Variants in ATG16L2 observed in about 807,000 individuals in gnomAD.
ATG16L2 encodes the protein protein Atg16l2.
In ATG16L2, 77 loss-of-function variants were observed where a neutral mutation model predicts 84.7. The observed-to-expected ratio is 0.91, with a 90% CI of 0.76 to 1.10. The LOEUF is 1.10. ATG16L2 is among the 50% of genes least tolerant of loss of function. ATG16L2 has a pLI of 0.00. For missense variants in ATG16L2, 782 were observed against 817.6 expected, an observed-to-expected ratio of 0.96 and a Z score of 0.53; for synonymous variants, 361 against 342.8, an observed-to-expected ratio of 1.05 and a Z score of -0.59.
intron 5 of ATG16L2, chr11:72,840,794 A>C: frequency 9.9e-7 from 1 of 1,006,356 alleles, no homozygotes; most frequent in Non-Finnish European, 1.5e-6. Context: ...GTAACAACAC[A>C]GGGGCCACGG....
chr11:72,829,723 TC>T, downstream of ATG16L2: 1 of 874,320 alleles, frequency 1.1e-6, no homozygotes, highest in Non-Finnish European at 1.4e-6. Context: ...GCCCCCTTCC[TC>T]CTTCCATACA....
intron 5 of ATG16L2, among the ~76,000 whole-genome samples, chr11:72,834,681 C>T (rs897218282): frequency 9.2e-5 from 14 of 151,710 alleles, no homozygotes; most frequent in South Asian, 6.2e-4. Flanking sequence ...CTCCTGGGTT[C>T]AAGCAATTCT....
rs1441880998 is a variant in ATG16L2 at position 72,822,893 on chromosome 11, T to C, written c.756T>C (p.Thr252=). The change falls in exon 7 of 18, where the codon ACT becomes ACC. Residue 252 remains threonine, a synonymous_variant. Transcript: ENST00000321297. This position sits in a 1 kb window ranked among gnomAD's most constrained non-coding sequence, Gnocchi z 4.2. ...LGDGMRERRE[T]LALAPEPEPL... Reference sequence around the variant, plus strand: ...ATGGGATGAGGGAGAGAAGGGAGACTCTGGCTCTGGCCCCTGAGCCAGAGC... The same window carrying C: ...ATGGGATGAGGGAGAGAAGGGAGACCCTGGCTCTGGCCCCTGAGCCAGAGC... 7.0e-6 allele frequency: 11 copies of C among 1,578,048 alleles called. No individual in the cohort carries two copies. The highest frequency in any genetic ancestry group is 9.5e-6 in the Non-Finnish European group (11 of 1,161,472).
intron 3 of ATG16L2, among the ~76,000 whole-genome samples, chr11:72,819,827 C>T (rs558866186): frequency 6.6e-6 from 1 of 152,010 alleles, no homozygotes; most frequent in East Asian, 1.9e-4. Flanking sequence ...CTCGCTGCAA[C>T]CTCAGCCTCC....
chr11:72,842,251 G>A (rs1163035493), intron 5 of ATG16L2, among the ~76,000 whole-genome samples: 2 of 152,152 alleles, frequency 1.3e-5, no homozygotes, highest in Non-Finnish European at 2.9e-5. Flanking sequence ...TGACAGTGAG[G>A]GAGAGAGAGA....
At chr11:72,818,161 C>T in intron 3 of ATG16L2, 1 of 356,858 alleles carries the variant, frequency 2.8e-6, no homozygotes, top group Non-Finnish European at 5.2e-6. Context: ...CCTCGCCCAG[C>T]CATCCCCAAG....
At chr11:72,816,662 A>T in intron 1 of ATG16L2, 66 bp from the exon 2 acceptor site, 1 of 1,336,534 alleles carries the variant, frequency 7.5e-7, no homozygotes, top group Non-Finnish European at 1.1e-6. Flanking sequence ...GCCGGAGATA[A>T]ATTGCATGCC....
chr11:72,827,268 C>T lies in ATG16L2; in HGVS notation c.1447C>T (p.Gln483Ter). Residue 483 changes from glutamine to a stop codon, truncating the protein, a stop_gained, in exon 14 of 18, where the codon CAG (glutamine) becomes TAG (stop). Transcript: ENST00000321297. LOFTEE classifies it high-confidence loss of function. Reference sequence around the variant, plus strand: ...TATCATCATTAGTGGCCACAATGACCAGAAGATCCGGTTCTGGGACAGCAG... The same window carrying T: ...TATCATCATTAGTGGCCACAATGACTAGAAGATCCGGTTCTGGGACAGCAG... ...DHIIISGHNDQKIRFWDSRGP... is the reference protein window; with the variant it reads ...DHIIISGHND 2 of 1,614,018 alleles carry T rather than the reference C, an allele frequency of 1.2e-6. No homozygotes were observed. Among genetic ancestry groups the T allele is most frequent in the Non-Finnish European group, 1.7e-6 (2 of 1,179,936 alleles).
At chr11:72,832,924 C>T (rs1860638492), downstream of ATG16L2, among the ~76,000 whole-genome samples, 1 of 152,212 alleles carries the variant, frequency 6.6e-6, no homozygotes, top group African/African-American at 2.4e-5. Flanking sequence ...TGTGAAACTT[C>T]CTGCCCCAAG....
At chr11:72,824,671 G>C in intron 8 of ATG16L2, 63 bp from the exon 9 acceptor site, 1 of 1,211,806 alleles carries the variant, frequency 8.3e-7, no homozygotes, top group Non-Finnish European at 1.2e-6. Flanking sequence ...CAGGGGAGCT[G>C]GAGGCTCCCA....
At chr11:72,819,558 C>T (rs1859861935) in intron 3 of ATG16L2, among the ~76,000 whole-genome samples, 1 of 152,176 alleles carries the variant, frequency 6.6e-6, no homozygotes, top group Non-Finnish European at 1.5e-5. Context: ...TTCCAAAGCT[C>T]CTAGCCTGGC....
chr11:72,827,917 A>G (rs1254427602), intron 14 of ATG16L2, among the ~76,000 whole-genome samples: 3 of 152,212 alleles, frequency 2.0e-5, no homozygotes, highest in African/African-American at 7.2e-5. Flanking sequence ...TGGGCGACAG[A>G]GCGAGATGTC....
At chr11:72,840,727 T>C in intron 5 of ATG16L2, 1 of 578,300 alleles carries the variant, frequency 1.7e-6, no homozygotes. Context: ...ATGGCCTTCC[T>C]TTTCAATAGC....
chr11:72,824,977 C>G (rs1165667106), intron 9 of ATG16L2, 135 bp downstream of exon 9: 1 of 687,966 alleles, frequency 1.5e-6, no homozygotes, highest in Non-Finnish European at 2.4e-6. Flanking sequence ...AGGAGGCTGC[C>G]TCCCACAGCC....
intron 3 of ATG16L2, chr11:72,821,170 CCTCT>C (rs1414410405): frequency 1.0e-6 from 1 of 971,650 alleles, no homozygotes; most frequent in African/African-American, 1.8e-5. Context: ...GACACTTAAA[CCTCT>C]CTGTCGGTGT....
downstream of ATG16L2, among the ~76,000 whole-genome samples, chr11:72,834,211 A>G (rs1382080017): frequency 6.6e-6 from 1 of 152,172 alleles, no homozygotes. Context: ...ATGAAAAACA[A>G]CTTCACGATG....
At chr11:72,834,022 G>C (rs959687884), downstream of ATG16L2, among the ~76,000 whole-genome samples, 1 of 151,858 alleles carries the variant, frequency 6.6e-6, no homozygotes, top group African/African-American at 2.4e-5. Flanking sequence ...GGGACCGAGG[G>C]AAAATAGTCT....
At chr11:72,834,448 A>G (rs1371184720), downstream of ATG16L2, among the ~76,000 whole-genome samples, 2 of 152,198 alleles carry the variant, frequency 1.3e-5, no homozygotes, top group Non-Finnish European at 2.9e-5. Flanking sequence ...ATTTCTTGCC[A>G]TCCAAAGAAG....
intron 7 of ATG16L2, chr11:72,823,523 C>T (rs1402637203): frequency 5.2e-6 from 2 of 380,980 alleles, no homozygotes; most frequent in South Asian, 3.9e-5. Context: ...CGCCATTCCC[C>T]AGCCTAACAC....
Sources: allele counts gnomAD v4.1 joint callset (sites outside exome capture counted in the v4.1 genomes callset), GRCh38; gene constraint gnomAD v4.1.1; non-coding constraint Gnocchi (gnomAD v3.1); transcripts MANE v1.5; gene names NCBI Gene and HGNC (gene_info 2026-07-23, HGNC 2026-07-21).